EDN1: variants seen among roughly 807,000 people sequenced by gnomAD.
EDN1 encodes endothelin-1.
In EDN1, 11 loss-of-function variants were observed where a neutral mutation model predicts 21.7. The ratio of observed to expected loss-of-function variants is 0.51; its 90% CI spans 0.32 to 0.84. EDN1 has a LOEUF of 0.84. EDN1 is among the 40% of genes least tolerant of loss of function. The pLI is 0.03. For missense variants in EDN1, 244 were observed against 262.3 expected, an observed-to-expected ratio of 0.93 and a Z score of 0.48; for synonymous variants, 85 against 90.6, an observed-to-expected ratio of 0.94 and a Z score of 0.35.
At chr6:12,249,561 C>T in the EDN1 span, among the ~76,000 whole-genome samples, 7 of 150,336 alleles carry the variant, frequency 4.7e-5, no homozygotes, top group Non-Finnish European at 1.0e-4. Context: ...GGTGTCAGAG[C>T]CAGAGAGAAA....
the EDN1 span, among the ~76,000 whole-genome samples, chr6:12,234,490 T>C: frequency 1.3e-5 from 2 of 152,258 alleles, no homozygotes; most frequent in Admixed American, 6.5e-5. Flanking sequence ...CTTCAACTTT[T>C]AAGTGAGGAA....
At position 12,292,830 on chromosome 6, in the gene EDN1, C is replaced by T. The variant is rs567154448; in HGVS notation, c.233+321C>T. On this transcript the variant is annotated intron_variant, in intron 2 of 4. Transcript: ENST00000379375. Reference sequence around the variant, plus strand: ...CTCACAGTGGCATCTGATGGGGTTTCGGGAATAATTGCCGAGGTCAGATGT... The same window carrying T: ...CTCACAGTGGCATCTGATGGGGTTTTGGGAATAATTGCCGAGGTCAGATGT... 2.5e-4 allele frequency among the ~76,000 whole-genome samples: 38 copies of T among 152,208 alleles called. No individual in the cohort carries two copies. In the South Asian group the frequency reaches 7.7e-3, roughly 31 times the overall value.
At chr6:12,237,429 A>G in the EDN1 span, among the ~76,000 whole-genome samples, 1 of 152,222 alleles carries the variant, frequency 6.6e-6, no homozygotes, top group East Asian at 1.9e-4. Flanking sequence ...GAGAAGACCA[A>G]AAAGTCTTAC....
the EDN1 span, among the ~76,000 whole-genome samples, chr6:12,234,388 C>T: frequency 6.6e-6 from 1 of 152,310 alleles, no homozygotes; most frequent in South Asian, 2.1e-4. Flanking sequence ...TGGGGTGAAT[C>T]CCATGTTCCT....
At chr6:12,283,796 T>G in the EDN1 span, among the ~76,000 whole-genome samples, 1 of 152,244 alleles carries the variant, frequency 6.6e-6, no homozygotes, top group South Asian at 2.1e-4. Flanking sequence ...TCACTGACAC[T>G]GCAAATCCAG....
chr6:12,237,084 T>C, the EDN1 span, among the ~76,000 whole-genome samples: 2 of 151,358 alleles, frequency 1.3e-5, no homozygotes, highest in East Asian at 3.9e-4. Context: ...TGGTGTTTGG[T>C]TTTCTGTCCT....
the EDN1 span, among the ~76,000 whole-genome samples, chr6:12,259,641 T>A: frequency 6.6e-6 from 1 of 151,862 alleles, no homozygotes; most frequent in Non-Finnish European, 1.5e-5. Flanking sequence ...ATCTTTCAGA[T>A]AGACACTATA....
chr6:12,269,845 T>C, the EDN1 span, among the ~76,000 whole-genome samples: 10 of 152,182 alleles, frequency 6.6e-5, no homozygotes, highest in Admixed American at 5.9e-4. Context: ...AAGAATTACC[T>C]CCTTTTCAAT....
the EDN1 span, among the ~76,000 whole-genome samples, chr6:12,244,010 A>C: frequency 1.3e-5 from 2 of 152,310 alleles, no homozygotes; most frequent in South Asian, 4.1e-4. Flanking sequence ...CTTGTAGCAC[A>C]GCCATTCTGA....
At chr6:12,234,531 C>T in the EDN1 span, among the ~76,000 whole-genome samples, 2 of 152,198 alleles carry the variant, frequency 1.3e-5, no homozygotes, top group African/African-American at 4.8e-5. Context: ...GTGGTCCAGT[C>T]ACAGACAAAT....
chr6:12,294,869 A>G (rs1762781291), intron 4 of EDN1, among the ~76,000 whole-genome samples: 1 of 150,394 alleles, frequency 6.6e-6, no homozygotes, highest in Admixed American at 6.6e-5. Context: ...AAATAAAGTC[A>G]TTAGATAGGG....
chr6:12,243,309 A>G, the EDN1 span, among the ~76,000 whole-genome samples: 6 of 85,548 alleles, frequency 7.0e-5, no homozygotes, highest in Non-Finnish European at 1.1e-4. Context: ...GGAGGAGAGG[A>G]GGAGGAGGAG....
intron 3 of EDN1, 78 bp from the exon 4 acceptor site, chr6:12,294,183 G>A: frequency 1.9e-6 from 3 of 1,613,148 alleles, no homozygotes; most frequent in Admixed American, 1.7e-5. Context: ...GTTTTAGAGA[G>A]ACTAACAGAG....
chr6:12,255,927 G>C, the EDN1 span, among the ~76,000 whole-genome samples: 1 of 152,138 alleles, frequency 6.6e-6, no homozygotes, highest in African/African-American at 2.4e-5. Context: ...AAATAAGCCA[G>C]GTTGTTACAA....
At chr6:12,262,625 A>G in the EDN1 span, among the ~76,000 whole-genome samples, 7 of 152,214 alleles carry the variant, frequency 4.6e-5, no homozygotes, top group Non-Finnish European at 8.8e-5. Flanking sequence ...TAATCCCAGC[A>G]CTTTGGGAGG....
the EDN1 span, among the ~76,000 whole-genome samples, chr6:12,254,599 A>C: frequency 6.6e-6 from 1 of 152,220 alleles, no homozygotes; most frequent in Admixed American, 6.5e-5. Flanking sequence ...AGAAGTAAGA[A>C]TGCAACCTAA....
chr6:12,234,984 T>C, the EDN1 span, among the ~76,000 whole-genome samples: 1 of 152,214 alleles, frequency 6.6e-6, no homozygotes, highest in African/African-American at 2.4e-5. Context: ...AGTTATTCTT[T>C]AAAAGGATGA....
At chr6:12,238,990 T>C in the EDN1 span, among the ~76,000 whole-genome samples, 3 of 152,248 alleles carry the variant, frequency 2.0e-5, no homozygotes, top group Non-Finnish European at 4.4e-5. Context: ...CTTTTAGTTA[T>C]TGGAATAAAA....
the EDN1 span, among the ~76,000 whole-genome samples, chr6:12,239,568 G>T: frequency 6.6e-6 from 1 of 152,156 alleles, no homozygotes; most frequent in East Asian, 1.9e-4. Context: ...GATGGCTTAA[G>T]CTAGAAGAAC....
Sources: allele counts gnomAD v4.1 joint callset (sites outside exome capture counted in the v4.1 genomes callset), GRCh38; gene constraint gnomAD v4.1.1; transcripts MANE v1.5; gene names NCBI Gene and HGNC (gene_info 2026-07-23, HGNC 2026-07-21).